Variants in TEDC2 observed in about 807,000 individuals in gnomAD.
TEDC2 encodes the protein tubulin epsilon and delta complex 2.
A neutral mutation model predicts 48.1 loss-of-function variants in TEDC2; 49 were observed. That is an observed-to-expected ratio of 1.02 (90% CI 0.81 to 1.29). The LOEUF (loss-of-function observed/expected upper bound fraction) is 1.29, where lower values mean the gene tolerates loss of function less well. Among genes scored for constraint, TEDC2 ranks in the 50% most tolerant of loss-of-function variants. TEDC2 has a pLI of 0.00. For missense variants in TEDC2, 631 were observed against 571.4 expected (o/e 1.10, Z -1.06); for synonymous variants, 299 against 247.1 (o/e 1.21, Z -1.97).
chr16:2,461,875 G>A, intron 5 of TEDC2, 75 bp downstream of exon 5: 2 of 1,556,252 alleles, frequency 1.3e-6, no homozygotes, highest in East Asian at 2.2e-5. Context: ...ACAGGTTCGA[G>A]ATACTTTCCA....
rs748369654 is a variant in TEDC2 at position 2,464,241 on chromosome 16, A to G, written c.1155+12A>G. Reference sequence around the variant, plus strand: ...TCCACTTGGAAAAGGTGCTTCTGGAAGAGGAGGTGGGGGTGCAACAGAGGT... The same window carrying G: ...TCCACTTGGAAAAGGTGCTTCTGGAGGAGGAGGTGGGGGTGCAACAGAGGT... On this transcript the variant is annotated intron_variant, in intron 9 of 9. Coordinates refer to ENST00000361837, the MANE Select transcript of TEDC2 (RefSeq NM_025108.3). The G allele has an allele frequency of 1.2e-6, 2 of 1,609,578 alleles. No individual in the cohort carries two copies. Among genetic ancestry groups the G allele is most frequent in the Non-Finnish European group, 1.7e-6 (2 of 1,178,454 alleles).
rs369185867 is a variant in TEDC2 at position 2,461,150 on chromosome 16, G to C, written c.531G>C (p.Ala177=). The C allele has an allele frequency of 6.5e-7, 1 of 1,534,266 alleles. No individual in the cohort carries two copies. The highest frequency in any genetic ancestry group is 1.4e-5 in the African/African-American group (1 of 72,424). ...GAGCCCGAACCCCCAGGCCTGGGGC[G>C]GGCCTCAGGGACCAGCAAATGGCCC... is the stretch of plus-strand genomic sequence containing the variant. The part of the protein sequence containing the change: ...GMGARTPRPG[A]GLRDQQMAPS... The change falls in exon 4 of 10, where the codon GCG becomes GCC. Residue 177 remains alanine (A), a synonymous_variant. Coordinates refer to ENST00000361837, the MANE Select transcript of TEDC2 (RefSeq NM_025108.3).
chr16:2,462,109 C>T (rs765619163), intron 5 of TEDC2, 40 bp from the exon 6 acceptor site: 2 of 1,592,966 alleles, frequency 1.3e-6, no homozygotes, highest in Non-Finnish European at 1.7e-6. Context: ...TAACCGTGTC[C>T]CTCTGTGGTT....
chr16:2,464,273 C>T (rs763575316), intron 9 of TEDC2, 44 bp downstream of exon 9: 2 of 1,582,448 alleles, frequency 1.3e-6, no homozygotes, highest in Non-Finnish European at 1.7e-6. Context: ...AGGTCCGCAG[C>T]CTTGAGGACC....
rs201770471 is a variant in TEDC2, at chr16:2,461,803, G to A, written c.659+3G>A. 107 of 1,613,510 alleles carry A rather than the reference G, an allele frequency of 6.6e-5. 1 individual carries two copies. In the African/African-American group the frequency reaches 1.4e-3, roughly 20 times the overall value. On this transcript the variant is annotated splice_donor_region_variant and intron_variant, in intron 5 of 9. Coordinates refer to ENST00000361837, the MANE Select transcript of TEDC2 (RefSeq NM_025108.3). Reference sequence around the variant, plus strand: ...AAAGCAGCTTCCCAGAACTCGAGGTGAGGCTGAGGTCTTTGGCTGGACGGG... The same window carrying A: ...AAAGCAGCTTCCCAGAACTCGAGGTAAGGCTGAGGTCTTTGGCTGGACGGG...
intron 8 of TEDC2, 97 bp from the exon 9 acceptor site, chr16:2,463,942 G>T (rs1351042715): frequency 7.5e-7 from 1 of 1,325,804 alleles, no homozygotes; most frequent in South Asian, 1.4e-5. Context: ...CTAAAGGCAG[G>T]GCAGGTGGTG....
At position 2,462,662 on chromosome 16, in the gene TEDC2, C is replaced by T. The variant is rs367710750; in HGVS notation, c.894C>T (p.Cys298=). ...TGGACTGGATGCAGGAGTACCGCTG[C>T]CTGCTCACGCTGGAGGGGCTGCAGG... ...APMDWMQEYR[C]LLTLEGLQAM... is the part of the protein sequence containing the mutation. Residue 298 remains cysteine (C), a synonymous_variant, in exon 8 of 10, where the codon TGC becomes TGT. Transcript: ENST00000361837. The T allele has an allele frequency of 4.5e-5, 69 of 1,547,910 alleles. 1 individual carries two copies. In the African/African-American group the frequency reaches 8.9e-4, roughly 20 times the overall value.
intron 8 of TEDC2, 31 bp from the exon 9 acceptor site, chr16:2,464,008 C>T: frequency 6.3e-7 from 1 of 1,588,976 alleles, no homozygotes; most frequent in South Asian, 1.1e-5. Flanking sequence ...TCGGCTGCTA[C>T]CCCAAAGGCC....
At position 2,460,905 on chromosome 16, in the gene TEDC2, A is replaced by G. The variant is rs1275042979; in HGVS notation, c.286A>G (p.Lys96Glu). Residue 96 changes from lysine (K) to glutamate (E), a missense_variant, in exon 4 of 10, where the codon AAG becomes GAG. By Grantham distance (56) the Lys-to-Glu change is moderately conservative. Transcript: ENST00000361837. Reference protein sequence around the residue: ...KAVRVRRGITKAGERDKAPSL... With the variant: ...KAVRVRRGITEAGERDKAPSL... ...TGTACGAGTTCGAAGAGGCATCACT[A>G]AGGCCGGAGAGAGAGACAAGGCCCC... 3.1e-6 allele frequency: 5 copies of G among 1,613,496 alleles called. No homozygotes were observed. In the African/African-American group the frequency reaches 5.3e-5, roughly 17 times the overall value.
chr16:2,461,483 G>T, intron 4 of TEDC2: 1 of 639,586 alleles, frequency 1.6e-6, no homozygotes, highest in South Asian at 2.2e-5. Context: ...CCAGGCCAGA[G>T]GCTCCAGATG....
chr16:2,460,315 C>G lies in TEDC2; in HGVS notation c.59C>G (p.Ala20Gly). 1 of 1,538,882 alleles carries G rather than the reference C, an allele frequency of 6.5e-7. No individual in the cohort carries two copies. Among genetic ancestry groups the G allele is most frequent in the East Asian group, 2.5e-5 (1 of 39,902 alleles). The change falls in exon 2 of 10, where the codon GCC becomes GGC. Residue 20 changes from alanine (A) to glycine (G), a missense_variant. Coordinates refer to ENST00000361837, the MANE Select transcript of TEDC2 (RefSeq NM_025108.3). Reference sequence around the variant, plus strand: ...GCCGAGCTGCAGGGCGCCCTGGACGCCTGCGCACAGCGACAATTGCAATTG... The same window carrying G: ...GCCGAGCTGCAGGGCGCCCTGGACGGCTGCGCACAGCGACAATTGCAATTG... ...LVAELQGALDACAQRQLQLEQ... is the reference protein window; with the variant it reads ...LVAELQGALDGCAQRQLQLEQ...
At chr16:2,463,752 G>A (rs1178513629) in intron 8 of TEDC2, among the ~76,000 whole-genome samples, 1 of 152,168 alleles carries the variant, frequency 6.6e-6, no homozygotes, top group Non-Finnish European at 1.5e-5. Flanking sequence ...ATTGCTTGAA[G>A]TTTTAAGAGT....
Position 2,464,126 on chromosome 16 carries a change from G to A in TEDC2, c.1052G>A (p.Trp351Ter), listed in dbSNP as rs1260083233. 6.2e-7 allele frequency: 1 copy of A among 1,612,676 alleles called. No homozygotes were observed. The highest frequency in any genetic ancestry group is 8.5e-7 in the Non-Finnish European group (1 of 1,179,948). ...TGTGGGGGTAGAGCGGAGCCTGCAT[G>A]GAGCCCCCAGCTGCTTGTCTACTCC... ...PSCGGRAEPA[W>*]SPQLLVYSST... Residue 351 changes from tryptophan to a stop codon, truncating the protein, a stop_gained, in exon 9 of 10, where the codon TGG becomes TAG. Transcript: ENST00000361837. LOFTEE classifies it high-confidence loss of function.
At position 2,464,096 on chromosome 16, in the gene TEDC2, C is replaced by T. The variant is rs969466004; in HGVS notation, c.1022C>T (p.Pro341Leu). 5.6e-6 allele frequency: 9 copies of T among 1,612,732 alleles called. No individual in the cohort carries two copies. Among genetic ancestry groups the T allele is most frequent in the South Asian group, 2.2e-5 (2 of 91,066 alleles). The part of the protein sequence containing the change: ...CPVGRPPGAS[P>L]SCGGRAEPAW... ...GTGGGGAGGCCCCCCGGAGCCTCGC[C>T]GTCCTGTGGGGGTAGAGCGGAGCCT... Residue 341 changes from proline (P) to leucine (L), a missense_variant, in exon 9 of 10, where the codon CCG becomes CTG. Pro to Leu is a moderately conservative substitution (Grantham distance 98). Transcript: ENST00000361837.
In TEDC2 at chr16:2,464,167, C is replaced by G; in HGVS notation, c.1093C>G (p.Gln365Glu). 7 of 1,612,630 alleles carry G rather than the reference C, an allele frequency of 4.3e-6. No homozygotes were observed. The highest frequency in any genetic ancestry group is 5.1e-6 in the Non-Finnish European group (6 of 1,179,872). Residue 365 changes from glutamine (Q) to glutamate (E), a missense_variant, in exon 9 of 10, where the codon CAG (glutamine) becomes GAG (glutamate). Transcript: ENST00000361837. ...LLVYSSTQEL[Q>E]TLAALKLRVA... is the part of the protein sequence containing the mutation. ...TGTCTACTCCAGCACCCAGGAGCTG[C>G]AGACCCTGGCGGCCCTCAAGCTGCG... is the stretch of plus-strand genomic sequence containing the variant.
rs199831316 is a variant in TEDC2 at position 2,461,113 on chromosome 16, G to A, written c.494G>A (p.Arg165His). 5.6e-3 allele frequency: 8,827 copies of A among 1,576,964 alleles called. 43 individuals carry two copies. The highest frequency in any genetic ancestry group is 6.6e-3 in the Non-Finnish European group (7,701 of 1,159,258). Residue 165 changes from arginine (R) to histidine (H), a missense_variant, in exon 4 of 10, where the codon CGT becomes CAT. Physicochemically the swap from Arg to His is conservative, Grantham distance 29 (BLOSUM62 0). Transcript: ENST00000361837. Reference protein sequence around the residue: ...RRLLSVGDGTRVGMGARTPRP... With the variant: ...RRLLSVGDGTHVGMGARTPRP... The stretch of plus-strand genomic sequence containing the variant: ...CTGCTGTCAGTGGGGGATGGGACCC[G>A]TGTTGGGATGGGAGCCCGAACCCCC...
Position 2,462,810 on chromosome 16 carries a change from G to A in TEDC2, c.964+78G>A, listed in dbSNP as rs555515444. On this transcript the variant is annotated intron_variant, in intron 8 of 9. Coordinates refer to ENST00000361837, the MANE Select transcript of TEDC2 (RefSeq NM_025108.3). ...GGGTGCTTTAGCCAGGCTTGTCTGC[G>A]CCTCAGGGAAGGGTGAGCAGCCCAG... The A allele has an allele frequency of 1.7e-3, 2,241 of 1,352,700 alleles. 2 individuals carry two copies. The highest frequency in any genetic ancestry group is 2.1e-3 in the Non-Finnish European group (2,077 of 1,009,940). 83.8% of individuals were successfully genotyped at this position (1,352,700 alleles called of 1,614,324 possible).
rs200072104 is a variant in TEDC2, at chr16:2,462,263, G to T, written c.750+24G>T. ...CTGTATCCTTGCTGGGCTTGTGGGA[G>T]CCCTGGGGGCCTCTAGCTCTGAACC... On this transcript the variant is annotated intron_variant, in intron 6 of 9. Coordinates refer to ENST00000361837, the MANE Select transcript of TEDC2 (RefSeq NM_025108.3). 1.1e-5 allele frequency: 18 copies of T among 1,611,694 alleles called. No individual in the cohort carries two copies. In the Admixed American group the frequency reaches 2.7e-4, roughly 24 times the overall value.
rs2065468321 is a variant in TEDC2 at position 2,461,763 on chromosome 16, C to T, written c.622C>T (p.Pro208Ser). ...CTCCGACAGGCACCTGCTGCGGCTG[C>T]CTGCGGCATTCAGGAAAGCAGCTTC... ...LKEKGHLLRL[P>S]AAFRKAASQN... Residue 208 changes from proline (P) to serine (S), a missense_variant, in exon 5 of 10, where the codon CCT becomes TCT. Pro to Ser is a moderately conservative substitution (Grantham distance 74, BLOSUM62 -1). Coordinates refer to ENST00000361837, the MANE Select transcript of TEDC2 (RefSeq NM_025108.3). 6.2e-7 allele frequency: 1 copy of T among 1,613,204 alleles called. No individual in the cohort carries two copies. Among genetic ancestry groups the T allele is most frequent in the Middle Eastern group, 1.6e-4 (1 of 6,084 alleles).
Sources: allele counts gnomAD v4.1 joint callset (sites outside exome capture counted in the v4.1 genomes callset), GRCh38; gene constraint gnomAD v4.1.1; transcripts MANE v1.5; gene names NCBI Gene and HGNC (gene_info 2026-07-23, HGNC 2026-07-21).